Variants in PTPDC1 observed in about 807,000 individuals in gnomAD.
The protein encoded by PTPDC1 is protein tyrosine phosphatase domain-containing protein 1.
PTPDC1 carries 53 observed loss-of-function variants against 75.3 expected under a neutral mutation model. The observed-to-expected ratio is 0.70, with a 90% CI of 0.56 to 0.88. The LOEUF (loss-of-function observed/expected upper bound fraction) is 0.88, where lower values mean the gene tolerates loss of function less well. Among genes scored for constraint, PTPDC1 ranks in the 40% least tolerant of loss-of-function variants. The pLI is 0.00. For synonymous variants in PTPDC1, 349 were observed against 366.2 expected (o/e 0.95, Z 0.54); for missense variants, 925 against 998.6 (o/e 0.93, Z 0.99).
chr9:94,095,458 G>C lies in PTPDC1; in HGVS notation c.754+4G>C, dbSNP rs780062049. On this transcript the variant is annotated splice_donor_region_variant and intron_variant, in intron 5 of 8. Coordinates refer to ENST00000620992, the MANE Select transcript of PTPDC1 (RefSeq NM_001253829.2). Reference sequence around the variant, plus strand: ...CATGCAGGGCTTGGTCGAACAGGTAGGTCCTAAGAGGTGGTTTATTGCCTG... The same window carrying C: ...CATGCAGGGCTTGGTCGAACAGGTACGTCCTAAGAGGTGGTTTATTGCCTG... 2 of 1,601,688 alleles carry C rather than the reference G, an allele frequency of 1.2e-6. No individual in the cohort carries two copies. Among genetic ancestry groups the C allele is most frequent in the South Asian group, 2.3e-5 (2 of 88,264 alleles).
Position 94,108,396 on chromosome 9 carries a change from GTGTCT to G in PTPDC1, c.*454_*458del, listed in dbSNP as rs1311583235. ...ACAGATGAACTAAGAAAGTCACCAAGTGTCTTAAGCTGTTTTATATTTGTTACGAA... is the reference window on the plus strand; with the variant it reads ...ACAGATGAACTAAGAAAGTCACCAAGTAAGCTGTTTTATATTTGTTACGAA... On this transcript the variant is annotated 3_prime_UTR_variant, in exon 9 of 9. Transcript: ENST00000620992. 6.5e-6 allele frequency: 1 copy of G among 152,694 alleles called. No individual in the cohort carries two copies. Among genetic ancestry groups the G allele is most frequent in the African/African-American group, 2.4e-5 (1 of 41,450 alleles). The allele number at this position is 152,694 out of a possible 1,614,324, so 9.5% of individuals were successfully genotyped here. A position where few individuals can be genotyped will look rare whatever the true frequency, so the allele number is the denominator to read the frequency against.
Position 94,101,583 on chromosome 9 carries a change from A to T in PTPDC1, c.2031A>T (p.Arg677=). Residue 677 remains arginine, a synonymous_variant, in exon 7 of 9, where the codon CGA becomes CGT. Transcript: ENST00000620992. ...VEMWQKELNS[R]DGAWERICGE... ...CTTTTTAGAAAGAGCTTAATTCCCG[A>T]GATGGAGCTTGGGAAAGAATATGTG... 1 of 1,612,650 alleles carries T rather than the reference A, an allele frequency of 6.2e-7. No homozygotes were observed. Among genetic ancestry groups the T allele is most frequent in the Non-Finnish European group, 8.5e-7 (1 of 1,179,302 alleles).
chr9:94,033,186 A>G (rs998760519), intron 1 of PTPDC1, among the ~76,000 whole-genome samples: 17 of 152,092 alleles, frequency 1.1e-4, no homozygotes, highest in African/African-American at 4.1e-4. Flanking sequence ...AAAACCAACA[A>G]CTGCCTCAAA....
Position 94,031,230 on chromosome 9 carries a change from A to G in PTPDC1, c.-7+103A>G, listed in dbSNP as rs527877343. On this transcript the variant is annotated intron_variant, in intron 1 of 9. Transcript: ENST00000375360. ...AAGTGATGCGTGGTGGAGGCAAATC[A>G]CTGAGGGTCGTGAGCTTGAAACTAA... 6.4e-4 allele frequency: 97 copies of G among 152,294 alleles called. 1 individual carries two copies. The highest frequency in any genetic ancestry group is 2.2e-3 in the African/African-American group (93 of 41,560). 9.4% of individuals were successfully genotyped at this position (152,294 alleles called of 1,614,324 possible).
In PTPDC1 at chr9:94,095,529, G is replaced by T. The variant is rs1242497410; in HGVS notation, c.754+75G>T. 5 of 1,242,068 alleles carry T rather than the reference G, an allele frequency of 4.0e-6. No homozygotes were observed. In the Middle Eastern group the frequency reaches 7.7e-4, roughly 192 times the overall value. The allele number at this position is 1,242,068 out of a possible 1,614,324, so 76.9% of individuals were successfully genotyped here. On this transcript the variant is annotated intron_variant, in intron 5 of 8. Transcript: ENST00000620992. ...AGGAATAAGATTTCCTAATTTGAGG[G>T]TAAATGTTTCTCAGAATCCTATCAA...
At chr9:94,087,748 C>A in intron 2 of PTPDC1, 83 bp from the exon 3 acceptor site, 2 of 874,602 alleles carry the variant, frequency 2.3e-6, no homozygotes, top group South Asian at 1.6e-5. Flanking sequence ...TAGAAAAAAT[C>A]ATCTCTCAGG....
At chr9:94,074,644 T>G (rs1826621676) in intron 2 of PTPDC1, among the ~76,000 whole-genome samples, 1 of 152,104 alleles carries the variant, frequency 6.6e-6, no homozygotes, top group Non-Finnish European at 1.5e-5. Context: ...ACCAGGGGAT[T>G]GGGAAATGGG....
At chr9:94,088,118 ATGAC>A in intron 3 of PTPDC1, 23 bp from the exon 4 acceptor site, 2 of 1,608,156 alleles carry the variant, frequency 1.2e-6, no homozygotes, top group East Asian at 2.2e-5. Flanking sequence ...AGCTCCCAAT[ATGAC>A]TGACTGCCCT....
At chr9:94,038,274 T>G in intron 1 of PTPDC1, 2 of 830,624 alleles carry the variant, frequency 2.4e-6, no homozygotes. Flanking sequence ...ACAAAAATGA[T>G]CTTTGCTGGC....
chr9:94,062,066 A>G lies in PTPDC1; in HGVS notation c.-6-2668A>G, dbSNP rs538535274. ...TTTCAGGTCATGTCTTTGCTCATGC[A>G]TATGAGCATAGGCTTTTAGAAGCAG... On this transcript the variant is annotated intron_variant, in intron 1 of 9. Transcript: ENST00000375360. Among the ~76,000 whole-genome samples, 12 of 152,352 alleles carry G rather than the reference A, an allele frequency of 7.9e-5. No homozygotes were observed. In the South Asian group the frequency reaches 1.7e-3, roughly 21 times the overall value.
chr9:94,105,796 A>G (rs537559736), intron 8 of PTPDC1, among the ~76,000 whole-genome samples: 86 of 151,824 alleles, frequency 5.7e-4, no homozygotes, highest in African/African-American at 1.7e-3. Context: ...GTGAAACCCC[A>G]TCTCTACTAA....
chr9:94,069,377 A>G (rs1826431792), intron 2 of PTPDC1, among the ~76,000 whole-genome samples: 1 of 152,130 alleles, frequency 6.6e-6, no homozygotes, highest in Admixed American at 6.5e-5. Context: ...TCTTGCATAT[A>G]CTGTATTTTC....
chr9:94,104,742 G>T (rs950218418), intron 8 of PTPDC1, among the ~76,000 whole-genome samples: 1 of 152,126 alleles, frequency 6.6e-6, no homozygotes, highest in African/African-American at 2.4e-5. Context: ...TCTACCTTGG[G>T]TGTAAGTAAG....
intron 1 of PTPDC1, among the ~76,000 whole-genome samples, chr9:94,035,145 G>A (rs1425706910): frequency 1.3e-5 from 2 of 152,104 alleles, no homozygotes; most frequent in Non-Finnish European, 2.9e-5. Context: ...TGTTTAATTG[G>A]TGTTGTGACT....
At chr9:94,079,754 A>T (rs893045879), upstream of PTPDC1, among the ~76,000 whole-genome samples, 9 of 152,226 alleles carry the variant, frequency 5.9e-5, no homozygotes, top group African/African-American at 1.4e-4. Context: ...GCTGAAGTCT[A>T]CTAGCCATGT....
intron 1 of PTPDC1, among the ~76,000 whole-genome samples, chr9:94,061,524 C>G (rs1826137258): frequency 1.3e-5 from 2 of 152,240 alleles, no homozygotes; most frequent in African/African-American, 4.8e-5. Context: ...GAGGGCTCTG[C>G]CCCTGCAGCA....
intron 2 of PTPDC1, among the ~76,000 whole-genome samples, chr9:94,075,482 G>A (rs1391449260): frequency 1.3e-5 from 2 of 152,152 alleles, no homozygotes; most frequent in Admixed American, 6.6e-5. Flanking sequence ...ATATTCAGTC[G>A]TTAGGTCACA....
intron 4 of PTPDC1, among the ~76,000 whole-genome samples, chr9:94,092,282 T>C (rs1827355264): frequency 6.9e-6 from 1 of 145,190 alleles, no homozygotes; most frequent in African/African-American, 2.6e-5. Flanking sequence ...TGGTATGTTG[T>C]GTCTTTGTTC....
At chr9:94,048,507 G>C (rs1405523869) in intron 1 of PTPDC1, among the ~76,000 whole-genome samples, 1 of 152,156 alleles carries the variant, frequency 6.6e-6, no homozygotes, top group African/African-American at 2.4e-5. Context: ...CCATGTAGTT[G>C]AGCGGTTTTG....
Sources: allele counts gnomAD v4.1 joint callset (sites outside exome capture counted in the v4.1 genomes callset), GRCh38; gene constraint gnomAD v4.1.1; transcripts MANE v1.5; gene names NCBI Gene and HGNC (gene_info 2026-07-23, HGNC 2026-07-21).